Variants in CSMD1 observed in about 807,000 individuals in gnomAD.
CSMD1 encodes the protein CUB and Sushi multiple domains 1, also known as CUB and sushi domain-containing protein 1.
Under a neutral mutation model 417.5 loss-of-function variants are expected in CSMD1, and 213 were observed. That is an observed-to-expected ratio of 0.51 (90% CI 0.46 to 0.57). The LOEUF is 0.57. Ranked by LOEUF, CSMD1 falls within the 20% of genes least tolerant of loss-of-function variation. The probability of loss-of-function intolerance (pLI) is 0.00; values close to 1 mark genes in which losing one functional copy is unlikely to be tolerated. For missense variants in CSMD1, 6,923 were observed against 4,529.7 expected, an observed-to-expected ratio of 1.53 and a Z score of -15.17; for synonymous variants, 2,862 against 1,736.8, an observed-to-expected ratio of 1.65 and a Z score of -16.11.
intron 1 of CSMD1, among the ~76,000 whole-genome samples, chr8:4,906,548 T>C (rs1805289286): frequency 6.7e-6 from 1 of 150,124 alleles, no homozygotes; most frequent in Admixed American, 6.7e-5. Flanking sequence ...AGTTTGTCTT[T>C]TCAAGGTAGC....
At chr8:4,488,190 T>A (rs1277903131) in intron 2 of CSMD1, among the ~76,000 whole-genome samples, 2 of 152,196 alleles carry the variant, frequency 1.3e-5, no homozygotes, top group Non-Finnish European at 1.5e-5. Context: ...GAGAAATAAG[T>A]TTATGTTGTT....
intron 1 of CSMD1, among the ~76,000 whole-genome samples, chr8:4,652,832 C>A (rs1017992359): frequency 2.0e-5 from 3 of 152,042 alleles, no homozygotes; most frequent in African/African-American, 4.8e-5. Context: ...ATAAAGACTG[C>A]ACAAACTAGA....
At chr8:3,972,805 G>A (rs1281240214) in intron 5 of CSMD1, among the ~76,000 whole-genome samples, 1 of 152,044 alleles carries the variant, frequency 6.6e-6, no homozygotes, top group East Asian at 1.9e-4. Context: ...TATTTTATGG[G>A]AATAATTTTG....
At chr8:3,803,145 A>G (rs1800548472) in intron 5 of CSMD1, among the ~76,000 whole-genome samples, 1 of 152,170 alleles carries the variant, frequency 6.6e-6, no homozygotes, top group South Asian at 2.1e-4. Context: ...CATTCTAAGT[A>G]CTCATGTTCT....
intron 50 of CSMD1, among the ~76,000 whole-genome samples, chr8:3,036,629 C>G (rs1001841913): frequency 2.6e-5 from 4 of 152,056 alleles, no homozygotes; most frequent in Non-Finnish European, 4.4e-5. Flanking sequence ...GGTGTTAGTT[C>G]TAGTACCTTA....
intron 3 of CSMD1, among the ~76,000 whole-genome samples, chr8:4,109,018 G>T (rs992583634): frequency 6.6e-6 from 1 of 152,126 alleles, no homozygotes; most frequent in African/African-American, 2.4e-5. Flanking sequence ...GACCTCCATG[G>T]ATACAAATAT....
chr8:3,127,461 G>A (rs1363764102), intron 41 of CSMD1: 1 of 152,174 alleles, frequency 6.6e-6, no homozygotes, highest in Non-Finnish European at 1.5e-5. Flanking sequence ...AATTCAGAAT[G>A]AATTGTTCAG....
chr8:3,387,501 G>A lies in CSMD1; in HGVS notation c.2775C>T (p.Ser925=). Residue 925 remains serine (S), a synonymous_variant, in exon 18 of 70, where the codon AGC becomes AGT. Coordinates refer to ENST00000635120, the MANE Select transcript of CSMD1 (RefSeq NM_033225.6). ...TCACTGAGCTGTACCTACCGTCGCA[G>A]CTGGGCAAGGCGTGGTTCCACTGGT... ...RNHQWNHALP[S]CDALCGGYIQ... The A allele has an allele frequency of 6.3e-7, 1 of 1,599,076 alleles. No individual in the cohort carries two copies. The highest frequency in any genetic ancestry group is 8.5e-7 in the Non-Finnish European group (1 of 1,172,720).
intron 1 of CSMD1, among the ~76,000 whole-genome samples, chr8:4,743,096 C>G (rs910045064): frequency 6.6e-6 from 1 of 152,024 alleles, no homozygotes; most frequent in Non-Finnish European, 1.5e-5. Flanking sequence ...TGCTAAGAGT[C>G]AGTATATAAT....
chr8:3,375,365 C>G (rs900104089), intron 18 of CSMD1: 5 of 152,286 alleles, frequency 3.3e-5, no homozygotes, highest in Admixed American at 3.3e-4. Flanking sequence ...TGTGAAAGCA[C>G]AGCCTTGGGC....
At chr8:3,626,018 G>C (rs1056898584) in intron 7 of CSMD1, among the ~76,000 whole-genome samples, 1 of 152,156 alleles carries the variant, frequency 6.6e-6, no homozygotes, top group East Asian at 1.9e-4. Context: ...CTACTATAAA[G>C]TCAGTGTAAA....
At chr8:4,405,293 A>T (rs1804930282) in intron 3 of CSMD1, among the ~76,000 whole-genome samples, 1 of 152,220 alleles carries the variant, frequency 6.6e-6, no homozygotes, top group Admixed American at 6.5e-5. Flanking sequence ...ATCATAGCAT[A>T]TTGAAATAAC....
At chr8:3,499,378 G>A (rs1266488819) in intron 10 of CSMD1, among the ~76,000 whole-genome samples, 1 of 152,172 alleles carries the variant, frequency 6.6e-6, no homozygotes, top group African/African-American at 2.4e-5. Flanking sequence ...GATATAGAAG[G>A]TCACATGAGC....
intron 1 of CSMD1, among the ~76,000 whole-genome samples, chr8:4,877,150 C>T (rs368851794): frequency 2.6e-5 from 4 of 152,062 alleles, no homozygotes; most frequent in Admixed American, 2.6e-4. Context: ...TTTCATGACA[C>T]ATTTTACACT....
chr8:4,204,742 C>T (rs1291959815), intron 3 of CSMD1, among the ~76,000 whole-genome samples: 2 of 152,286 alleles, frequency 1.3e-5, no homozygotes, highest in East Asian at 1.9e-4. Flanking sequence ...GCAGCCTCAA[C>T]CTCCCAGCCT....
chr8:3,391,990 G>C (rs537640278), intron 17 of CSMD1, among the ~76,000 whole-genome samples: 87 of 151,540 alleles, frequency 5.7e-4, no homozygotes, highest in African/African-American at 2.0e-3. Context: ...ATCATTCTCA[G>C]CAAACTATCA....
intron 10 of CSMD1, among the ~76,000 whole-genome samples, chr8:3,542,517 G>A (rs1034392540): frequency 3.3e-5 from 5 of 152,138 alleles, no homozygotes; most frequent in Non-Finnish European, 4.4e-5. Context: ...ACTACATCCT[G>A]TGTCAGATGC....
At position 4,424,319 on chromosome 8, in the gene CSMD1, A is replaced by G. The variant is rs560482847; in HGVS notation, c.303-4254T>C. On this transcript the variant is annotated intron_variant, in intron 2 of 69. Transcript: ENST00000635120. The stretch of plus-strand genomic sequence containing the variant: ...GACAAAAGACAAGTATCTAGAATAT[A>G]CCATGAACTCTCCAGACTCAACAAC... Among the ~76,000 whole-genome samples the G allele has an allele frequency of 2.6e-5, 4 of 152,152 alleles. No individual in the cohort carries two copies. In the South Asian group the frequency reaches 6.2e-4, roughly 24 times the overall value.
chr8:4,785,291 A>T (rs1282968539), intron 1 of CSMD1, among the ~76,000 whole-genome samples: 1 of 152,172 alleles, frequency 6.6e-6, no homozygotes, highest in East Asian at 1.9e-4. Flanking sequence ...AATGGGGCAC[A>T]TTGGGCAAGT....
Sources: gnomAD v4.1 joint callset for allele counts (sites outside exome capture counted in the v4.1 genomes callset) on GRCh38, gnomAD v4.1.1 for gene constraint, MANE v1.5 for transcripts, NCBI Gene and HGNC (gene_info 2026-07-23, HGNC 2026-07-21) for gene names.